Variants in ADAMTS16 observed in about 807,000 individuals in gnomAD.
ADAMTS16 encodes the protein A disintegrin and metalloproteinase with thrombospondin motifs 16.
ADAMTS16 carries 94 observed loss-of-function variants against 145.8 expected under a neutral mutation model. The ratio of observed to expected loss-of-function variants is 0.64; its 90% CI spans 0.55 to 0.77. ADAMTS16 has a LOEUF of 0.77. Among genes scored for constraint, ADAMTS16 ranks in the 30% least tolerant of loss-of-function variants. The pLI, the probability that ADAMTS16 is intolerant of heterozygous loss-of-function variation, is 0.00. For synonymous variants in ADAMTS16, 659 were observed against 604.3 expected (o/e 1.09, Z -1.33); for missense variants, 1,585 against 1,591.5 (o/e 1.00, Z 0.07).
At position 5,232,498 on chromosome 5, in the gene ADAMTS16, G is replaced by A. The variant is rs1238198623; in HGVS notation, c.1832G>A (p.Arg611His). The A allele has an allele frequency of 1.1e-5, 18 of 1,613,206 alleles. No individual in the cohort carries two copies. Among genetic ancestry groups the A allele is most frequent in the Middle Eastern group, 1.6e-4 (1 of 6,074 alleles). ...GGAGGGGGAGTATCTCATAGGAGTCGCCTCTGCACCAACCCCAAGTAAGTA... is the reference window on the plus strand; with the variant it reads ...GGAGGGGGAGTATCTCATAGGAGTCACCTCTGCACCAACCCCAAGTAAGTA... ...TCGGGVSHRS[R>H]LCTNPKPSHG... The change falls in exon 12 of 23, where the codon CGC (arginine) becomes CAC (histidine). Residue 611 changes from arginine to histidine, a missense_variant. This residue lies in a region of ADAMTS16 where 834 missense variants were observed against 811.7 expected (regional missense o/e 1.03). Transcript: ENST00000274181.
Position 5,319,211 on chromosome 5 carries a change from C to T in ADAMTS16, c.*73C>T. 1 of 1,136,576 alleles carries T rather than the reference C, an allele frequency of 8.8e-7. No homozygotes were observed. The highest frequency in any genetic ancestry group is 1.3e-6 in the Non-Finnish European group (1 of 773,714). 70.4% of individuals were successfully genotyped at this position (1,136,576 alleles called of 1,614,324 possible). A position where few individuals can be genotyped will look rare whatever the true frequency, so the allele number is the denominator to read the frequency against. On this transcript the variant is annotated 3_prime_UTR_variant, in exon 23 of 23. Coordinates refer to ENST00000274181, the MANE Select transcript of ADAMTS16 (RefSeq NM_139056.4). The stretch of plus-strand genomic sequence containing the variant: ...ATTTCCCACAAATGAGCTGTGCAAT[C>T]TACGTCGGAATACATCCAAGGAAGA...
chr5:5,244,522 A>G (rs1369447154), intron 17 of ADAMTS16, among the ~76,000 whole-genome samples: 2 of 152,162 alleles, frequency 1.3e-5, no homozygotes, highest in Non-Finnish European at 2.9e-5. Context: ...CAAGCCTTTC[A>G]TGTCTGTGAA....
At chr5:5,246,120 A>G (rs1258386304) in intron 17 of ADAMTS16, among the ~76,000 whole-genome samples, 2 of 152,210 alleles carry the variant, frequency 1.3e-5, no homozygotes, top group African/African-American at 2.4e-5. Flanking sequence ...TCTCAAAATT[A>G]TATACGCTGT....
intron 18 of ADAMTS16, among the ~76,000 whole-genome samples, chr5:5,278,027 G>A (rs960456886): frequency 6.6e-6 from 1 of 152,138 alleles, no homozygotes. Context: ...AGAAGAATCT[G>A]TTTAAATTGT....
intron 3 of ADAMTS16, among the ~76,000 whole-genome samples, chr5:5,176,778 A>G (rs564649511): frequency 6.6e-6 from 1 of 152,290 alleles, no homozygotes; most frequent in South Asian, 2.1e-4. Flanking sequence ...CCTGCCATAG[A>G]ATTCATCCAA....
chr5:5,302,186 G>A (rs542739262), intron 18 of ADAMTS16, among the ~76,000 whole-genome samples: 64 of 152,156 alleles, frequency 4.2e-4, no homozygotes, highest in Non-Finnish European at 8.1e-4. Context: ...ACACACTCAG[G>A]CACAGTGTCT....
chr5:5,189,976 A>G lies in ADAMTS16; in HGVS notation c.1053A>G (p.Gly351=), dbSNP rs1356084885. 6.2e-7 allele frequency: 1 copy of G among 1,610,432 alleles called. No individual in the cohort carries two copies. Among genetic ancestry groups the G allele is most frequent in the African/African-American group, 1.3e-5 (1 of 74,756 alleles). The change falls in exon 7 of 23, where the codon GGA becomes GGG. Residue 351 remains glycine, a synonymous_variant. Coordinates refer to ENST00000274181, the MANE Select transcript of ADAMTS16 (RefSeq NM_139056.4). ...GLILLEDEQP[G]LVISHHADHT... Reference sequence around the variant, plus strand: ...GGTCCTTGTCTCTTGCACAGCCAGGACTGGTGATAAGTCACCACGCAGACC... The same window carrying G: ...GGTCCTTGTCTCTTGCACAGCCAGGGCTGGTGATAAGTCACCACGCAGACC...
Position 5,317,310 on chromosome 5 carries a change from T to G in ADAMTS16, c.3412-824T>G, listed in dbSNP as rs1205822082. 6.6e-6 allele frequency among the ~76,000 whole-genome samples: 1 copy of G among 152,238 alleles called. No homozygotes were observed. Among genetic ancestry groups the G allele is most frequent in the Non-Finnish European group, 1.5e-5 (1 of 68,044 alleles). On this transcript the variant is annotated intron_variant, in intron 21 of 22. Coordinates refer to ENST00000274181, the MANE Select transcript of ADAMTS16 (RefSeq NM_139056.4). This position sits in a 1 kb window ranked among gnomAD's most constrained non-coding sequence, Gnocchi z 4.5. The stretch of plus-strand genomic sequence containing the variant: ...TTGGCAGGGGGATCTAAGTTTGTTC[T>G]TCCTTGCTGCCTGTAATTTGAGGAG...
chr5:5,300,048 T>G (rs1716920283), intron 18 of ADAMTS16, among the ~76,000 whole-genome samples: 1 of 152,162 alleles, frequency 6.6e-6, no homozygotes, highest in Non-Finnish European at 1.5e-5. Flanking sequence ...ACTGTTTGAA[T>G]GGAGTGCAGC....
At chr5:5,213,950 A>G (rs879839799) in intron 10 of ADAMTS16, among the ~76,000 whole-genome samples, 20 of 152,146 alleles carry the variant, frequency 1.3e-4, no homozygotes, top group Non-Finnish European at 2.5e-4. Flanking sequence ...TTTTTTCTAT[A>G]TGAGCTGACT....
intron 8 of ADAMTS16, among the ~76,000 whole-genome samples, chr5:5,192,666 G>T (rs1236386383): frequency 6.6e-6 from 1 of 152,174 alleles, no homozygotes; most frequent in Admixed American, 6.5e-5. Context: ...CCAGTCCTAG[G>T]TTGGCGGTCT....
At chr5:5,307,686 T>C (rs1740236652) in intron 21 of ADAMTS16, among the ~76,000 whole-genome samples, 1 of 152,130 alleles carries the variant, frequency 6.6e-6, no homozygotes, top group South Asian at 2.1e-4. Flanking sequence ...CCTTTCTCTC[T>C]CCTATTAGCC....
chr5:5,249,849 G>A (rs1372489934), intron 17 of ADAMTS16, among the ~76,000 whole-genome samples: 1 of 152,178 alleles, frequency 6.6e-6, no homozygotes, highest in African/African-American at 2.4e-5. Context: ...GGTGAACATG[G>A]AGGACTTTAC....
intron 18 of ADAMTS16, among the ~76,000 whole-genome samples, chr5:5,265,717 T>C (rs974068929): frequency 1.4e-4 from 21 of 152,136 alleles, no homozygotes; most frequent in Admixed American, 9.8e-4. Context: ...CAGAACATTG[T>C]CAACTGCTGC....
intron 18 of ADAMTS16, 110 bp downstream of exon 18, chr5:5,262,893 C>T (rs1738084079): frequency 6.7e-7 from 1 of 1,488,724 alleles, no homozygotes; most frequent in East Asian, 2.3e-5. Flanking sequence ...TCATGTCACT[C>T]ATAACAGTGG....
chr5:5,298,264 G>A (rs1739628438), intron 18 of ADAMTS16, among the ~76,000 whole-genome samples: 1 of 152,244 alleles, frequency 6.6e-6, no homozygotes, highest in Non-Finnish European at 1.5e-5. Flanking sequence ...AGACTGGAGT[G>A]CATTGCTCCA....
chr5:5,227,538 T>C (rs1736803585), intron 11 of ADAMTS16, among the ~76,000 whole-genome samples: 1 of 145,102 alleles, frequency 6.9e-6, no homozygotes, highest in Non-Finnish European at 1.5e-5. Context: ...TGTGTGTGTG[T>C]GTGTGTGTGT....
At chr5:5,289,503 C>A (rs1739221562) in intron 18 of ADAMTS16, among the ~76,000 whole-genome samples, 1 of 152,232 alleles carries the variant, frequency 6.6e-6, no homozygotes, top group Non-Finnish European at 1.5e-5. Context: ...TCCTAGTAAT[C>A]CATGATAGCT....
At chr5:5,234,188 A>G (rs1737025695) in intron 12 of ADAMTS16, among the ~76,000 whole-genome samples, 1 of 152,212 alleles carries the variant, frequency 6.6e-6, no homozygotes, top group Non-Finnish European at 1.5e-5. Flanking sequence ...CAGTGTGTAC[A>G]TGCAAATTCT....
Sources: gnomAD v4.1 joint callset for allele counts (sites outside exome capture counted in the v4.1 genomes callset) on GRCh38, gnomAD v4.1.1 for gene constraint, gnomAD v4.1.1 regional missense constraint, Gnocchi (gnomAD v3.1) non-coding constraint, MANE v1.5 for transcripts, NCBI Gene and HGNC (gene_info 2026-07-23, HGNC 2026-07-21) for gene names.